Variants in PIK3C2A observed in about 807,000 individuals in gnomAD.
The protein encoded by PIK3C2A is phosphatidylinositol 4-phosphate 3-kinase C2 domain-containing subunit alpha.
In PIK3C2A, 97 loss-of-function variants were observed where a neutral mutation model predicts 204.5. That is an observed-to-expected ratio of 0.47 (90% confidence interval 0.40 to 0.56). The LOEUF is 0.56. Among genes scored for constraint, PIK3C2A ranks in the 20% least tolerant of loss-of-function variants. The probability of loss-of-function intolerance (pLI) is 0.00; values close to 1 mark genes in which losing one functional copy is unlikely to be tolerated. For synonymous variants in PIK3C2A, 653 were observed against 664.4 expected (o/e 0.98, Z 0.26); for missense variants, 1,735 against 1,969.2 (o/e 0.88, Z 2.25).
chr11:17,186,301 T>C (rs553854706), intron 1 of PIK3C2A, among the ~76,000 whole-genome samples: 21 of 152,242 alleles, frequency 1.4e-4, no homozygotes, highest in African/African-American at 5.1e-4. Context: ...CTCCTTAGCA[T>C]TTACTACCAT....
chr11:17,160,832 C>A (rs1014612437), intron 2 of PIK3C2A, among the ~76,000 whole-genome samples: 28 of 151,938 alleles, frequency 1.8e-4, no homozygotes, highest in African/African-American at 6.8e-4. Context: ...TTAACAAAAC[C>A]AAACCAAAAC....
chr11:17,197,613 T>C (rs1421673782), intron 1 of PIK3C2A, among the ~76,000 whole-genome samples: 3 of 152,304 alleles, frequency 2.0e-5, no homozygotes, highest in East Asian at 1.9e-4. Context: ...AAAGGGGATA[T>C]AGTCACAGCA....
chr11:17,193,063 C>T (rs1467734966), intron 1 of PIK3C2A, among the ~76,000 whole-genome samples: 1 of 152,208 alleles, frequency 6.6e-6, no homozygotes, highest in Non-Finnish European at 1.5e-5. Context: ...TGAGTTCAGC[C>T]AGATTTCCTC....
At chr11:17,202,634 C>T (rs367661553) in intron 1 of PIK3C2A, among the ~76,000 whole-genome samples, 3 of 152,008 alleles carry the variant, frequency 2.0e-5, no homozygotes, top group South Asian at 2.1e-4. Flanking sequence ...TCAAGCAATG[C>T]TTCTAATTTA....
At chr11:17,175,959 A>G (rs1851323727) in intron 1 of PIK3C2A, among the ~76,000 whole-genome samples, 1 of 151,908 alleles carries the variant, frequency 6.6e-6, no homozygotes, top group Non-Finnish European at 1.5e-5. Flanking sequence ...CCAAATGAAT[A>G]TAAACCTTAA....
At chr11:17,100,942 G>A (rs1199081600) in intron 25 of PIK3C2A, among the ~76,000 whole-genome samples, 1 of 152,092 alleles carries the variant, frequency 6.6e-6, no homozygotes, top group Non-Finnish European at 1.5e-5. Context: ...GTACAGCTGA[G>A]TGAATGTTGA....
chr11:17,204,022 G>C (rs954076716), intron 1 of PIK3C2A, among the ~76,000 whole-genome samples: 2 of 151,838 alleles, frequency 1.3e-5, no homozygotes, highest in Non-Finnish European at 1.5e-5. Context: ...TGCAGTGAGC[G>C]GAGATCACGC....
At chr11:17,121,805 G>A (rs375854688) in intron 15 of PIK3C2A, among the ~76,000 whole-genome samples, 5 of 151,898 alleles carry the variant, frequency 3.3e-5, no homozygotes, top group Admixed American at 2.0e-4. Context: ...TGACTACTGA[G>A]TTCTTGGTCT....
Position 17,156,025 on chromosome 11 carries a change from T to C in PIK3C2A, c.1066-396A>G, listed in dbSNP as rs1850579697. Among the ~76,000 whole-genome samples, 7 of 152,328 alleles carry C rather than the reference T, an allele frequency of 4.6e-5. No individual in the cohort carries two copies. The South Asian group carries it at 1.4e-3, about 32-fold the overall frequency. ...CTTCTAATCAGCCAGAAATTCTATA[T>C]ATTCAACTAGGACCCAAATCCCAAG... On this transcript the variant is annotated intron_variant, in intron 2 of 32. Coordinates refer to ENST00000691414, the MANE Select transcript of PIK3C2A (RefSeq NM_002645.4).
At chr11:17,197,529 C>T (rs895389772) in intron 1 of PIK3C2A, among the ~76,000 whole-genome samples, 2 of 152,106 alleles carry the variant, frequency 1.3e-5, no homozygotes, top group African/African-American at 4.8e-5. Flanking sequence ...GATTCACAAC[C>T]AGGGTATCTA....
intron 15 of PIK3C2A, among the ~76,000 whole-genome samples, chr11:17,121,800 ACTGAGTT>A (rs1401283737): frequency 1.3e-5 from 2 of 152,188 alleles, no homozygotes; most frequent in East Asian, 3.9e-4. Flanking sequence ...CTCCTTGACT[ACTGAGTT>A]CTTGGTCTTA....
At position 17,093,157 on chromosome 11, in the gene PIK3C2A, A is replaced by G. The variant is rs1417132029; in HGVS notation, c.4452-881T>C. 2.0e-5 allele frequency among the ~76,000 whole-genome samples: 3 copies of G among 152,240 alleles called. No individual in the cohort carries two copies. The East Asian group carries it at 5.8e-4, about 29-fold the overall frequency. On this transcript the variant is annotated intron_variant, in intron 28 of 32. Transcript: ENST00000691414. ...AATCTAGTCTGAAGAAAATATGAAA[A>G]AACTCGACACAGGAAATCTACTGGT...
chr11:17,100,377 C>A (rs1210289218), intron 25 of PIK3C2A, among the ~76,000 whole-genome samples: 3 of 151,320 alleles, frequency 2.0e-5, no homozygotes, highest in Non-Finnish European at 2.9e-5. Context: ...CTATGCCTGG[C>A]GAACTTTTTT....
intron 16 of PIK3C2A, among the ~76,000 whole-genome samples, chr11:17,119,525 A>C (rs889409531): frequency 1.3e-5 from 2 of 152,232 alleles, no homozygotes; most frequent in African/African-American, 4.8e-5. Flanking sequence ...TAAGTTTATG[A>C]AAATTAATTC....
chr11:17,137,486 C>T (rs1157284923), intron 8 of PIK3C2A, among the ~76,000 whole-genome samples: 7 of 136,912 alleles, frequency 5.1e-5, no homozygotes, highest in African/African-American at 1.9e-4. Context: ...GGGATCTTGG[C>T]TCACTGCAAC....
At chr11:17,102,420 C>T (rs938519504) in intron 24 of PIK3C2A, among the ~76,000 whole-genome samples, 1 of 152,104 alleles carries the variant, frequency 6.6e-6, no homozygotes, top group Admixed American at 6.6e-5. Flanking sequence ...CTGGGCGACA[C>T]AGCAAGACTC....
chr11:17,105,172 T>C lies in PIK3C2A; in HGVS notation c.3678A>G (p.Glu1226=). ...AATGAGGAGACATGCTAATTACCTT[T>C]TCATATTCTTCTTCAGAGGGATTGT... ...RKYNPSEEEY[E]KASENFIYSC... Residue 1226 remains glutamate (E), a synonymous_variant, in exon 23 of 33, where the codon GAA becomes GAG. Coordinates refer to ENST00000691414, the MANE Select transcript of PIK3C2A (RefSeq NM_002645.4). 1 of 1,610,448 alleles carries C rather than the reference T, an allele frequency of 6.2e-7. No homozygotes were observed.
chr11:17,175,181 A>G (rs1851299042), intron 1 of PIK3C2A, among the ~76,000 whole-genome samples: 1 of 152,212 alleles, frequency 6.6e-6, no homozygotes, highest in Non-Finnish European at 1.5e-5. Context: ...AAAATTAATC[A>G]TCTGAAATAT....
intron 2 of PIK3C2A, among the ~76,000 whole-genome samples, chr11:17,164,353 T>TA (rs371924444): frequency 0.29 from 39,716 of 134,780 alleles, 6,614 homozygotes; most frequent in African/African-American, 0.47. Context: ...GACCCTGTCT[T>TA]AAAAAAAAAA....
Sources: gnomAD v4.1 joint callset for allele counts (sites outside exome capture counted in the v4.1 genomes callset) on GRCh38, gnomAD v4.1.1 for gene constraint, MANE v1.5 for transcripts, NCBI Gene and HGNC (gene_info 2026-07-23, HGNC 2026-07-21) for gene names.